The following SCARA3 variants were observed in gnomAD, a reference collection of about 807,000 sequenced individuals.
The protein encoded by SCARA3 is cellular stress response gene protein.
In SCARA3, 39 loss-of-function variants were observed where a neutral mutation model predicts 47.0. The ratio of observed to expected loss-of-function variants is 0.83; its 90% confidence interval spans 0.64 to 1.08. The LOEUF (loss-of-function observed/expected upper bound fraction) is 1.08. Among genes scored for constraint, SCARA3 ranks in the 50% least tolerant of loss-of-function variants. The pLI, the probability that SCARA3 is intolerant of heterozygous loss-of-function variation, is 0.00. For synonymous variants in SCARA3, 356 were observed against 334.1 expected, an observed-to-expected ratio of 1.07 and a Z score of -0.71; for missense variants, 724 against 792.3, an observed-to-expected ratio of 0.91 and a Z score of 1.04.
At chr8:27,661,722 T>C (rs1820751751) in intron 5 of SCARA3, among the ~76,000 whole-genome samples, 1 of 152,188 alleles carries the variant, frequency 6.6e-6, no homozygotes. Context: ...TCCCTTTGTC[T>C]TCAGCAGGCC....
At chr8:27,689,751 G>A in the SCARA3 span, among the ~76,000 whole-genome samples, 2 of 152,062 alleles carry the variant, frequency 1.3e-5, no homozygotes, top group East Asian at 1.9e-4. Flanking sequence ...AGGCTGGGCC[G>A]GACCTAGCAG....
At chr8:27,687,187 T>G in the SCARA3 span, among the ~76,000 whole-genome samples, 50 of 152,256 alleles carry the variant, frequency 3.3e-4, no homozygotes, top group African/African-American at 1.1e-3. Flanking sequence ...GCTGGAAGTA[T>G]TAGAAAAGAG....
At chr8:27,729,056 C>G in the SCARA3 span, among the ~76,000 whole-genome samples, 1 of 152,034 alleles carries the variant, frequency 6.6e-6, no homozygotes, top group South Asian at 2.1e-4. Flanking sequence ...CAGAGCAAGA[C>G]CCTGTCTCAA....
intron 3 of SCARA3, among the ~76,000 whole-genome samples, chr8:27,653,723 T>C (rs1310621345): frequency 6.6e-6 from 1 of 151,906 alleles, no homozygotes; most frequent in Non-Finnish European, 1.5e-5. Context: ...TTCATTTTAA[T>C]CAAGTTTTTT....
In SCARA3 at chr8:27,671,237, G is replaced by A; in HGVS notation, c.1707G>A (p.Lys569=). Residue 569 remains lysine (K), a synonymous_variant, in exon 6 of 6, where the codon AAG becomes AAA. Coordinates refer to ENST00000301904, the MANE Select transcript of SCARA3 (RefSeq NM_016240.3). Reference sequence around the variant, plus strand: ...AGGGAAAACCGGGAATTGCAGGGAAGACAGGGTCACCAGGCCAGCGGGGGG... The same window carrying A: ...AGGGAAAACCGGGAATTGCAGGGAAAACAGGGTCACCAGGCCAGCGGGGGG... ...GPQGKPGIAG[K]TGSPGQRGAM... 6.7e-7 allele frequency: 1 copy of A among 1,502,112 alleles called. No homozygotes were observed. Among genetic ancestry groups the A allele is most frequent in the East Asian group, 2.5e-5 (1 of 40,500 alleles). 93.0% of individuals were successfully genotyped at this position (1,502,112 alleles called of 1,614,324 possible). A position where few individuals can be genotyped will look rare whatever the true frequency, so the allele number is the denominator to read the frequency against.
At position 27,671,713 on chromosome 8, in the gene SCARA3, C is replaced by A; in HGVS notation, c.*362C>A. The A allele has an allele frequency of 9.4e-7, 1 of 1,064,132 alleles. No individual in the cohort carries two copies. The highest frequency in any genetic ancestry group is 1.1e-6 in the Non-Finnish European group (1 of 880,592). 65.9% of individuals were successfully genotyped at this position (1,064,132 alleles called of 1,614,324 possible). ...ACATACACAGGCACACATGCATGCA[C>A]ACATACACATGCACACACACATGCA... On this transcript the variant is annotated 3_prime_UTR_variant, in exon 6 of 6. Coordinates refer to ENST00000301904, the MANE Select transcript of SCARA3 (RefSeq NM_016240.3).
At position 27,651,535 on chromosome 8, in the gene SCARA3, G is replaced by A. The variant is rs1405274963; in HGVS notation, c.134G>A (p.Cys45Tyr). 2 of 1,613,534 alleles carry A rather than the reference G, an allele frequency of 1.2e-6. No individual in the cohort carries two copies. The highest frequency in any genetic ancestry group is 1.7e-5 in the Admixed American group (1 of 60,018). Residue 45 changes from cysteine (C) to tyrosine (Y), a missense_variant, in exon 3 of 6, where the codon TGC becomes TAC. Coordinates refer to ENST00000301904, the MANE Select transcript of SCARA3 (RefSeq NM_016240.3). ...KGRPGPRCSR[C>Y]QKNLSLHTSV... ...CGGCCAGGGCCCCGCTGCAGCCGCT[G>A]CCAGAAGAACCTATCTTTGCACACA... is the stretch of plus-strand genomic sequence containing the variant.
chr8:27,671,086 C>G lies in SCARA3; in HGVS notation c.1556C>G (p.Pro519Arg). 6.2e-7 allele frequency: 1 copy of G among 1,609,314 alleles called. No individual in the cohort carries two copies. The highest frequency in any genetic ancestry group is 2.2e-5 in the East Asian group (1 of 44,676). ...ERGPVGPRGF[P>R]GLKGSKGSFG... is the part of the protein sequence containing the mutation. ...GGCCCTGTTGGCCCTCGAGGGTTCC[C>G]AGGCCTCAAAGGCTCAAAGGGCAGC... Residue 519 changes from proline (P) to arginine (R), a missense_variant, in exon 6 of 6, where the codon CCA (proline) becomes CGA (arginine). Coordinates refer to ENST00000301904, the MANE Select transcript of SCARA3 (RefSeq NM_016240.3).
chr8:27,697,916 A>G, the SCARA3 span, among the ~76,000 whole-genome samples: 1 of 152,228 alleles, frequency 6.6e-6, no homozygotes, highest in African/African-American at 2.4e-5. Context: ...TTTGTAAATT[A>G]CCCGTCTTGG....
intron 5 of SCARA3, among the ~76,000 whole-genome samples, chr8:27,660,618 T>TGATA (rs10674215): frequency 0.19 from 24,679 of 130,688 alleles, 2,472 homozygotes; most frequent in African/African-American, 0.27. Context: ...TAGAGATAGA[T>TGATA]GATAGATAGA....
the SCARA3 span, among the ~76,000 whole-genome samples, chr8:27,695,866 G>A: frequency 6.6e-6 from 1 of 151,934 alleles, no homozygotes; most frequent in Non-Finnish European, 1.5e-5. Context: ...AAAATAAACA[G>A]AACTTCATGG....
chr8:27,687,743 A>C, the SCARA3 span, among the ~76,000 whole-genome samples: 2 of 151,998 alleles, frequency 1.3e-5, no homozygotes, highest in African/African-American at 4.8e-5. Context: ...CAGGCCAGGC[A>C]CGGTGGCCAA....
intron 5 of SCARA3, among the ~76,000 whole-genome samples, chr8:27,663,523 G>T (rs34679095): frequency 6.6e-6 from 1 of 152,210 alleles, no homozygotes; most frequent in African/African-American, 2.4e-5. Flanking sequence ...CTCTGCACAC[G>T]CAACTTTATG....
chr8:27,651,753 C>T, intron 3 of SCARA3, 126 bp downstream of exon 3: 1 of 1,313,676 alleles, frequency 7.6e-7, no homozygotes, highest in Non-Finnish European at 1.0e-6. Context: ...CAGCATCTTC[C>T]TGGCTAGGGG....
At chr8:27,633,726 A>T (rs903413198), upstream of SCARA3, 1 of 148,646 alleles carries the variant, frequency 6.7e-6, no homozygotes, top group African/African-American at 2.5e-5. Context: ...CCGCGGCGGC[A>T]CAAAGAGGCC....
intron 1 of SCARA3, among the ~76,000 whole-genome samples, chr8:27,640,215 T>C (rs970842949): frequency 3.3e-5 from 5 of 152,196 alleles, no homozygotes; most frequent in African/African-American, 1.2e-4. Flanking sequence ...TTATTATTTT[T>C]TTAAAAATCA....
At chr8:27,652,769 G>T (rs1312385646) in intron 3 of SCARA3, among the ~76,000 whole-genome samples, 1 of 152,198 alleles carries the variant, frequency 6.6e-6, no homozygotes, top group African/African-American at 2.4e-5. Flanking sequence ...CAAGGGGCAT[G>T]GTTCTTCCCT....
intron 3 of SCARA3, among the ~76,000 whole-genome samples, chr8:27,651,961 C>G (rs1040814844): frequency 6.6e-6 from 1 of 152,204 alleles, no homozygotes; most frequent in Non-Finnish European, 1.5e-5. Context: ...GGCCCCACCC[C>G]GATCGTGGAA....
downstream of SCARA3, among the ~76,000 whole-genome samples, chr8:27,679,436 C>T (rs770445475): frequency 6.6e-6 from 1 of 152,046 alleles, no homozygotes; most frequent in Non-Finnish European, 1.5e-5. Flanking sequence ...ATTCACTTCT[C>T]ATAAGTCAAA....
Sources: allele counts gnomAD v4.1 joint callset (sites outside exome capture counted in the v4.1 genomes callset), GRCh38; gene constraint gnomAD v4.1.1; transcripts MANE v1.5; gene names NCBI Gene and HGNC (gene_info 2026-07-23, HGNC 2026-07-21).